The following GALNTL5 variants were observed in gnomAD, a reference collection of about 807,000 sequenced individuals.
GALNTL5 encodes polypeptide N-acetylgalactosaminyltransferase like 5, also known as inactive polypeptide N-acetylgalactosaminyltransferase-like protein 5.
GALNTL5 carries 44 observed loss-of-function variants against 51.0 expected under a neutral mutation model. The observed-to-expected ratio is 0.86, with a 90% CI of 0.68 to 1.11. GALNTL5 has a LOEUF of 1.11. Among genes scored for constraint, GALNTL5 ranks in the 50% least tolerant of loss-of-function variants. The pLI is 0.00. For missense variants in GALNTL5, 528 were observed against 531.8 expected (o/e 0.99, Z 0.07); for synonymous variants, 192 against 182.8 (o/e 1.05, Z -0.41).
At chr7:151,998,343 A>AT (rs796572661) in intron 5 of GALNTL5, among the ~76,000 whole-genome samples, 44 of 152,224 alleles carry the variant, frequency 2.9e-4, no homozygotes, top group African/African-American at 9.4e-4. Flanking sequence ...AAAAAAGTCT[A>AT]TTTTTTTAAC....
At chr7:152,017,712 T>A (rs1016042476) in intron 8 of GALNTL5, among the ~76,000 whole-genome samples, 1 of 152,210 alleles carries the variant, frequency 6.6e-6, no homozygotes, top group Non-Finnish European at 1.5e-5. Context: ...TATAAACATA[T>A]CTCATTTTTT....
chr7:152,012,376 CA>C (rs1343419700), intron 7 of GALNTL5, among the ~76,000 whole-genome samples: 1 of 151,932 alleles, frequency 6.6e-6, no homozygotes, highest in South Asian at 2.1e-4. Flanking sequence ...ACTAAAAAGT[CA>C]AAAAACAAAC....
At chr7:151,994,658 T>G (rs2081471989) in intron 5 of GALNTL5, among the ~76,000 whole-genome samples, 1 of 152,178 alleles carries the variant, frequency 6.6e-6, no homozygotes, top group Non-Finnish European at 1.5e-5. Context: ...TATCTTACTT[T>G]GTTCAGTTCT....
Position 151,983,073 on chromosome 7 carries a change from G to T in GALNTL5, c.456G>T (p.Gln152His), listed in dbSNP as rs769699726. ...FYNEECNALF[Q>H]TMSSVTNLTP... ...ATGAAGAATGTAATGCCTTGTTTCA[G>T]ACCATGTCCAGTGTCACGAACCTCA... The change falls in exon 4 of 9, where the codon CAG (glutamine) becomes CAT (histidine). Residue 152 changes from glutamine to histidine, a missense_variant. Coordinates refer to ENST00000392800, the MANE Select transcript of GALNTL5 (RefSeq NM_145292.4). 3.7e-6 allele frequency: 6 copies of T among 1,614,074 alleles called. No homozygotes were observed.
intron 1 of GALNTL5, among the ~76,000 whole-genome samples, chr7:151,959,220 G>GTC (rs1168016044): frequency 6.6e-6 from 1 of 150,964 alleles, no homozygotes; most frequent in Non-Finnish European, 1.5e-5. Flanking sequence ...ACATTTGGTT[G>GTC]TCTCCCCTTA....
intron 4 of GALNTL5, among the ~76,000 whole-genome samples, chr7:151,983,668 CAT>C (rs1325369384): frequency 6.6e-6 from 1 of 152,108 alleles, no homozygotes; most frequent in Non-Finnish European, 1.5e-5. Context: ...ATAAGGCAAA[CAT>C]AGGGGCACCG....
chr7:151,967,095 G>A lies in GALNTL5; in HGVS notation c.-39-113G>A, dbSNP rs942161815. 3.7e-5 allele frequency: 23 copies of A among 617,360 alleles called. No homozygotes were observed. In the East Asian group the frequency reaches 5.5e-4, roughly 15 times the overall value. 38.2% of individuals were successfully genotyped at this position (617,360 alleles called of 1,614,324 possible). ...AGGACACACTTTATGTATATGATAA[G>A]GGCCATCAACGTGATTGTTTTTAAA... On this transcript the variant is annotated intron_variant, in intron 1 of 8. Transcript: ENST00000392800.
At chr7:151,994,143 C>T (rs2081462219) in intron 5 of GALNTL5, among the ~76,000 whole-genome samples, 1 of 152,156 alleles carries the variant, frequency 6.6e-6, no homozygotes, top group Admixed American at 6.5e-5. Flanking sequence ...CCTGTCTGTT[C>T]CCTACACCCC....
chr7:151,959,388 C>T (rs144592731), intron 1 of GALNTL5, among the ~76,000 whole-genome samples: 46 of 152,200 alleles, frequency 3.0e-4, no homozygotes, highest in South Asian at 2.7e-3. Context: ...CGTCCTAATT[C>T]GCCATTTTCC....
intron 5 of GALNTL5, among the ~76,000 whole-genome samples, chr7:151,995,619 C>T (rs975267381): frequency 3.4e-4 from 51 of 151,896 alleles, no homozygotes; most frequent in African/African-American, 1.2e-3. Flanking sequence ...GGGAATGATG[C>T]TATCGAACTA....
intron 4 of GALNTL5, among the ~76,000 whole-genome samples, chr7:151,986,446 G>A (rs1420635435): frequency 6.6e-6 from 1 of 152,088 alleles, no homozygotes; most frequent in Non-Finnish European, 1.5e-5. Context: ...ACCAGCCTGG[G>A]CAATGTAGCA....
chr7:151,975,407 A>G (rs764299349), intron 3 of GALNTL5, among the ~76,000 whole-genome samples: 4 of 151,972 alleles, frequency 2.6e-5, no homozygotes, highest in Admixed American at 6.6e-5. Context: ...TGTGATATCA[A>G]TTATGTCTCT....
intron 1 of GALNTL5, among the ~76,000 whole-genome samples, chr7:151,957,175 A>C (rs563370723): frequency 6.6e-6 from 1 of 151,248 alleles, no homozygotes; most frequent in African/African-American, 2.4e-5. Flanking sequence ...AAAAGTGTTG[A>C]TTATTGACAG....
intron 5 of GALNTL5, among the ~76,000 whole-genome samples, chr7:151,994,244 G>A (rs200785578): frequency 1.3e-5 from 2 of 152,148 alleles, no homozygotes; most frequent in South Asian, 2.1e-4. Context: ...AGCAGCCAGC[G>A]GCCCTTCCTT....
chr7:152,012,397 A>G (rs997295245), intron 7 of GALNTL5, among the ~76,000 whole-genome samples: 3 of 152,202 alleles, frequency 2.0e-5, no homozygotes, highest in Non-Finnish European at 4.4e-5. Flanking sequence ...CAAACAAACA[A>G]AAAAACAAAC....
intron 3 of GALNTL5, among the ~76,000 whole-genome samples, chr7:151,981,543 TC>T (rs1319830285): frequency 6.9e-5 from 9 of 130,236 alleles, no homozygotes; most frequent in Non-Finnish European, 1.3e-4. Context: ...ACATCTCTCT[TC>T]CCTTCCTTCC....
intron 1 of GALNTL5, among the ~76,000 whole-genome samples, chr7:151,958,571 G>T (rs2080953924): frequency 6.6e-6 from 1 of 152,150 alleles, no homozygotes; most frequent in African/African-American, 2.4e-5. Flanking sequence ...AGTGCAAGGG[G>T]TGTGTTGCAG....
chr7:151,983,083 A>G lies in GALNTL5; in HGVS notation c.466A>G (p.Ser156Gly), dbSNP rs1563011248. The G allele has an allele frequency of 1.9e-6, 3 of 1,614,210 alleles. No individual in the cohort carries two copies. The highest frequency in any genetic ancestry group is 2.5e-6 in the Non-Finnish European group (3 of 1,180,020). Reference protein sequence around the residue: ...ECNALFQTMSSVTNLTPHYFL... With the variant: ...ECNALFQTMSGVTNLTPHYFL... Reference sequence around the variant, plus strand: ...TAATGCCTTGTTTCAGACCATGTCCAGTGTCACGAACCTCACGCCACACTA... The same window carrying G: ...TAATGCCTTGTTTCAGACCATGTCCGGTGTCACGAACCTCACGCCACACTA... Residue 156 changes from serine (S) to glycine (G), a missense_variant, in exon 4 of 9, where the codon AGT (serine) becomes GGT (glycine). Physicochemically the swap from Ser to Gly is moderately conservative, Grantham distance 56. Coordinates refer to ENST00000392800, the MANE Select transcript of GALNTL5 (RefSeq NM_145292.4).
chr7:151,995,118 T>G (rs1418157046), intron 5 of GALNTL5: 1 of 152,646 alleles, frequency 6.6e-6, no homozygotes, highest in Non-Finnish European at 1.5e-5. Context: ...GGGCCGGTGG[T>G]GCTGTCCACG....
Sources: gnomAD v4.1 joint callset for allele counts (sites outside exome capture counted in the v4.1 genomes callset) on GRCh38, gnomAD v4.1.1 for gene constraint, MANE v1.5 for transcripts, NCBI Gene and HGNC (gene_info 2026-07-23, HGNC 2026-07-21) for gene names.